The following RHEBL1 variants were observed in gnomAD, a reference collection of about 807,000 sequenced individuals.
The protein encoded by RHEBL1 is GTPase RhebL1.
A neutral mutation model predicts 27.4 loss-of-function variants in RHEBL1; 22 were observed. That is an observed-to-expected ratio of 0.80 (90% CI 0.57 to 1.15). RHEBL1 has a LOEUF of 1.15. Among genes scored for constraint, RHEBL1 ranks in the 50% most tolerant of loss-of-function variants. The pLI, the probability that RHEBL1 is intolerant of heterozygous loss-of-function variation, is 0.00. For missense variants in RHEBL1, 186 were observed against 226.5 expected (o/e 0.82, Z 1.15); for synonymous variants, 85 against 80.8 (o/e 1.05, Z -0.28).
chr12:49,069,563 C>T (rs961071194), intron 1 of RHEBL1, among the ~76,000 whole-genome samples, 171 bp downstream of exon 1: 1 of 120,080 alleles, frequency 8.3e-6, no homozygotes, highest in African/African-American at 3.1e-5. Flanking sequence ...CTCCACACAC[C>T]ACCAACTCTT....
At position 49,064,814 on chromosome 12, in the gene RHEBL1, A is replaced by G; in HGVS notation, c.*289T>C. 1 of 375,686 alleles carries G rather than the reference A, an allele frequency of 2.7e-6. No homozygotes were observed. Among genetic ancestry groups the G allele is most frequent in the Non-Finnish European group, 4.9e-6 (1 of 203,578 alleles). 23.3% of individuals were successfully genotyped at this position (375,686 alleles called of 1,614,324 possible). A position where few individuals can be genotyped will look rare whatever the true frequency, so the allele number is the denominator to read the frequency against. On this transcript the variant is annotated 3_prime_UTR_variant, in exon 8 of 8. Transcript: ENST00000301068. Reference sequence around the variant, plus strand: ...CCAAGAGGATGGGTCCTGGATAAATAATGCCCAGGACTCATATCCTGACCC... The same window carrying G: ...CCAAGAGGATGGGTCCTGGATAAATGATGCCCAGGACTCATATCCTGACCC...
At chr12:49,069,631 C>T (rs1939055590) in intron 1 of RHEBL1, 103 bp downstream of exon 1, 1 of 1,026,518 alleles carries the variant, frequency 9.7e-7, no homozygotes. Flanking sequence ...CAACCCCATC[C>T]TTACGATGTC....
intron 7 of RHEBL1, 47 bp from the exon 8 acceptor site, chr12:49,065,239 C>A: frequency 6.4e-7 from 1 of 1,559,068 alleles, no homozygotes; most frequent in Non-Finnish European, 8.8e-7. Flanking sequence ...AGTGCCAATA[C>A]CACCCAGCTC....
At chr12:49,067,181 CA>C (rs1242925719) in intron 2 of RHEBL1, 146 bp from the exon 3 acceptor site, 2 of 586,898 alleles carry the variant, frequency 3.4e-6, no homozygotes, top group Admixed American at 5.9e-5. Context: ...CAGCTCACTG[CA>C]ACCTCTGCCA....
At chr12:49,068,990 T>A in intron 2 of RHEBL1, 45 bp downstream of exon 2, 3 of 1,575,240 alleles carry the variant, frequency 1.9e-6, no homozygotes. Flanking sequence ...ATCCAAGCCC[T>A]CCGGGTCGCA....
Position 49,066,696 on chromosome 12 carries a change from C to A in RHEBL1, c.198G>T (p.Glu66Asp), listed in dbSNP as rs1565839185. ...LHLVDTAGQDEYSILPYSFII... is the reference protein window; with the variant it reads ...LHLVDTAGQDDYSILPYSFII... ...TGAATGAATAGGGCAGAATGCTGTA[C>A]TCATCCTGGCAAGAAATGGGAAACA... The change falls in exon 4 of 8, where the codon GAG becomes GAT. Residue 66 changes from glutamate (E) to aspartate (D), a missense_variant. By Grantham distance (45) the Glu-to-Asp change is conservative. Around this residue, in one of 3 missense-constraint regions of RHEBL1, gnomAD observed 34 missense variants for 69.3 expected, o/e 0.49. Coordinates refer to ENST00000301068, the MANE Select transcript of RHEBL1 (RefSeq NM_144593.3). 6.2e-7 allele frequency: 1 copy of A among 1,613,716 alleles called. No individual in the cohort carries two copies. The highest frequency in any genetic ancestry group is 8.5e-7 in the Non-Finnish European group (1 of 1,179,594).
Position 49,069,900 on chromosome 12 carries a change from G to C in RHEBL1, c.-115C>G. 1 of 868,812 alleles carries C rather than the reference G, an allele frequency of 1.2e-6. No homozygotes were observed. The allele number at this position is 868,812 out of a possible 1,614,324, so 53.8% of individuals were successfully genotyped here. On this transcript the variant is annotated 5_prime_UTR_variant, in exon 1 of 8. Transcript: ENST00000301068. ...CAGGAAAGTCGCTCACCCCGAAGCT[G>C]CCGTGGGCAAGTTAGAAGGAAACCA...
intron 2 of RHEBL1, among the ~76,000 whole-genome samples, chr12:49,067,397 A>G (rs954525356): frequency 1.3e-5 from 2 of 151,572 alleles, no homozygotes; most frequent in African/African-American, 4.9e-5. Context: ...CTGTCACCTC[A>G]GCCTCCCAAG....
Position 49,066,650 on chromosome 12 carries a change from C to T in RHEBL1, c.244G>A (p.Val82Met), listed in dbSNP as rs1381137034. The change falls in exon 4 of 8, where the codon GTG (valine) becomes ATG (methionine). Residue 82 changes from valine (V) to methionine (M), a missense_variant. Around this residue, in one of 3 missense-constraint regions of RHEBL1, gnomAD observed 34 missense variants for 69.3 expected, o/e 0.49. Transcript: ENST00000301068. Reference sequence around the variant, plus strand: ...AGAGAGGTGACAGAATACACAAGCACATAACCATGGACCCCAATGATGAAT... The same window carrying T: ...AGAGAGGTGACAGAATACACAAGCATATAACCATGGACCCCAATGATGAAT... ...YSFIIGVHGY[V>M]LVYSVTSLHS... The T allele has an allele frequency of 6.2e-7, 1 of 1,614,178 alleles. No homozygotes were observed. The highest frequency in any genetic ancestry group is 1.1e-5 in the South Asian group (1 of 91,090).
Position 49,065,087 on chromosome 12 carries a change from C to T in RHEBL1, c.*16G>A, listed in dbSNP as rs746526748. The T allele has an allele frequency of 2.5e-6, 4 of 1,595,892 alleles. No homozygotes were observed. The highest frequency in any genetic ancestry group is 2.2e-5 in the East Asian group (1 of 44,780). On this transcript the variant is annotated 3_prime_UTR_variant, in exon 8 of 8. Coordinates refer to ENST00000301068, the MANE Select transcript of RHEBL1 (RefSeq NM_144593.3). ...GCCGGGGGCAGAAGCAAGGCAGTTA[C>T]CCCACACCCAAGGGCTCACATGAGA...
In RHEBL1 at chr12:49,066,947, A is replaced by T. The variant is rs368086631; in HGVS notation, c.192+21T>A. 3 of 1,601,448 alleles carry T rather than the reference A, an allele frequency of 1.9e-6. No homozygotes were observed. The East Asian group carries it at 6.7e-5, about 36-fold the overall frequency. ...CCGAGGGCTGAACTGCCACATTTGG[A>T]TACCATACCCCAACTGGTACCTGCC... On this transcript the variant is annotated intron_variant, in intron 3 of 7. Coordinates refer to ENST00000301068, the MANE Select transcript of RHEBL1 (RefSeq NM_144593.3).
chr12:49,069,840 C>G lies in RHEBL1; in HGVS notation c.-55G>C, dbSNP rs1254697850. 2.6e-6 allele frequency: 4 copies of G among 1,532,018 alleles called. No individual in the cohort carries two copies. Among genetic ancestry groups the G allele is most frequent in the Middle Eastern group, 1.7e-4 (1 of 5,882 alleles). 94.9% of individuals were successfully genotyped at this position (1,532,018 alleles called of 1,614,324 possible). On this transcript the variant is annotated 5_prime_UTR_variant, in exon 1 of 8. Coordinates refer to ENST00000301068, the MANE Select transcript of RHEBL1 (RefSeq NM_144593.3). ...ACTGCGGGCTCAGAGAGCCCGAAAA[C>G]GAGGTCAGGGTGTGAGCAGGCGCGG... is the stretch of plus-strand genomic sequence containing the variant.
chr12:49,068,351 G>A (rs1357742582), intron 2 of RHEBL1, among the ~76,000 whole-genome samples: 3 of 149,904 alleles, frequency 2.0e-5, no homozygotes, highest in Admixed American at 1.3e-4. Context: ...GGCTGGTCTC[G>A]AACTCTTGAC....
intron 2 of RHEBL1, among the ~76,000 whole-genome samples, chr12:49,068,346 G>T (rs995053169): frequency 7.9e-5 from 12 of 150,982 alleles, no homozygotes; most frequent in African/African-American, 2.7e-4. Flanking sequence ...GGCCAGGCTG[G>T]TCTCGAACTC....
Position 49,064,872 on chromosome 12 carries a change from C to CA in RHEBL1, c.*230dup. The CA allele has an allele frequency of 1.8e-6, 1 of 547,150 alleles. No homozygotes were observed. The highest frequency in any genetic ancestry group is 2.3e-5 in the South Asian group (1 of 44,252). 33.9% of individuals were successfully genotyped at this position (547,150 alleles called of 1,614,324 possible). On this transcript the variant is annotated 3_prime_UTR_variant, in exon 8 of 8. Transcript: ENST00000301068. The stretch of plus-strand genomic sequence containing the variant: ...TATAACAGAATTCATCAAACAAAAA[C>CA]AGAGGGCTAGAGGCCAGTGTCCATG...
At chr12:49,069,441 C>G (rs1939051179) in intron 1 of RHEBL1, among the ~76,000 whole-genome samples, 1 of 151,820 alleles carries the variant, frequency 6.6e-6, no homozygotes, top group Non-Finnish European at 1.5e-5. Flanking sequence ...GAGACCGCGT[C>G]CCGGTTTTCA....
At position 49,069,956 on chromosome 12, in the gene RHEBL1, T is replaced by TGATC; in HGVS notation, c.-175_-172dup. On this transcript the variant is annotated 5_prime_UTR_variant, in exon 1 of 8. Transcript: ENST00000301068. Reference sequence around the variant, plus strand: ...AGCGCCGCGCCCGGAGCTGCCCACGTGATCACAACACAGCACGTCTAACGC... The same window carrying TGATC: ...AGCGCCGCGCCCGGAGCTGCCCACGTGATCGATCACAACACAGCACGTCTAACGC... The TGATC allele has an allele frequency of 1.6e-6, 1 of 638,304 alleles. No individual in the cohort carries two copies. The highest frequency in any genetic ancestry group is 1.7e-5 in the South Asian group (1 of 57,218). The allele number at this position is 638,304 out of a possible 1,614,324, so 39.5% of individuals were successfully genotyped here.
chr12:49,069,257 C>G (rs1939048397), intron 1 of RHEBL1, 151 bp from the exon 2 acceptor site: 1 of 1,349,362 alleles, frequency 7.4e-7, no homozygotes, highest in East Asian at 2.5e-5. Flanking sequence ...TGTGTCTACC[C>G]TCACCCTCTT....
In RHEBL1 at chr12:49,069,766, C is replaced by T; in HGVS notation, c.20G>A (p.Arg7Lys). Residue 7 changes from arginine (R) to lysine (K), a missense_variant, in exon 1 of 8, where the codon AGG becomes AAG. Physicochemically the swap from Arg to Lys is conservative, Grantham distance 26. Transcript: ENST00000301068. ...GCGGTATCCGAGGATGACCACCTTC[C>T]TGTAGCGGACTAGCGGCATGGCAGG... MPLVRY[R>K]KVVILGYRCV... 1 of 1,613,848 alleles carries T rather than the reference C, an allele frequency of 6.2e-7. No homozygotes were observed. The highest frequency in any genetic ancestry group is 1.1e-5 in the South Asian group (1 of 91,078).
Sources: gnomAD v4.1 joint callset for allele counts (sites outside exome capture counted in the v4.1 genomes callset) on GRCh38, gnomAD v4.1.1 for gene constraint, gnomAD v4.1.1 regional missense constraint, MANE v1.5 for transcripts, NCBI Gene and HGNC (gene_info 2026-07-23, HGNC 2026-07-21) for gene names.